The following PALD1 variants were observed in gnomAD, a reference collection of about 807,000 sequenced individuals.
PALD1 encodes phosphatase domain containing paladin 1, also known as paladin.
PALD1 carries 57 observed loss-of-function variants against 96.0 expected under a neutral mutation model. That is an observed-to-expected ratio of 0.59 (90% CI 0.48 to 0.74). The LOEUF (loss-of-function observed/expected upper bound fraction) is 0.74, where lower values mean the gene tolerates loss of function less well. Ranked by LOEUF, PALD1 falls within the 30% of genes least tolerant of loss-of-function variation. PALD1 has a pLI of 0.00. For synonymous variants in PALD1, 464 were observed against 473.6 expected (o/e 0.98, Z 0.26); for missense variants, 1,063 against 1,143.7 (o/e 0.93, Z 1.02).
At chr10:70,512,812 G>A (rs1022211452) in intron 1 of PALD1, among the ~76,000 whole-genome samples, 1 of 152,226 alleles carries the variant, frequency 6.6e-6, no homozygotes, top group Admixed American at 6.5e-5. Flanking sequence ...CAGCCTGGTG[G>A]ACTGCAGGGA....
In PALD1 at chr10:70,533,082, A is replaced by C; in HGVS notation, c.870+12A>C. On this transcript the variant is annotated intron_variant, in intron 7 of 19. Transcript: ENST00000263563. ...TCAGTGTTCTCCGGGTAACTGGGGC[A>C]CGGGCGCGCATGGGGGAGGAGTCTT... 1 of 1,567,126 alleles carries C rather than the reference A, an allele frequency of 6.4e-7. No individual in the cohort carries two copies. The highest frequency in any genetic ancestry group is 1.2e-5 in the South Asian group (1 of 85,386).
chr10:70,549,850 G>T (rs1847444979), intron 18 of PALD1, among the ~76,000 whole-genome samples: 1 of 152,178 alleles, frequency 6.6e-6, no homozygotes, highest in Non-Finnish European at 1.5e-5. Context: ...CTGCCTTCTG[G>T]ATGTGAAGTG....
chr10:70,520,685 C>CTTTTTTTTTTTTTTTTT (rs10545684), intron 1 of PALD1, among the ~76,000 whole-genome samples: 16 of 87,676 alleles, frequency 1.8e-4, no homozygotes, highest in South Asian at 5.3e-4. Flanking sequence ...TTCTTTCTTT[C>CTTTTTTTTTTTTTTTTT]TTTTTTTTTT....
At chr10:70,536,549 G>A (rs150620860) in intron 10 of PALD1, among the ~76,000 whole-genome samples, 6 of 152,286 alleles carry the variant, frequency 3.9e-5, no homozygotes, top group East Asian at 3.9e-4. Flanking sequence ...AGCAAACTAC[G>A]GCTTAGACCA....
chr10:70,485,121 A>G (rs1172614748), intron 1 of PALD1, among the ~76,000 whole-genome samples: 2 of 152,210 alleles, frequency 1.3e-5, no homozygotes, highest in African/African-American at 4.8e-5. Flanking sequence ...TTTTGAAACA[A>G]GATTACAGAG....
upstream of PALD1, among the ~76,000 whole-genome samples, chr10:70,478,591 C>T (rs935904627): frequency 6.6e-6 from 1 of 152,160 alleles, no homozygotes; most frequent in Admixed American, 6.5e-5. Flanking sequence ...GGTGGGCGGG[C>T]GGAGGGAGGA....
intron 18 of PALD1, among the ~76,000 whole-genome samples, chr10:70,552,214 G>T (rs768892646): frequency 6.6e-6 from 1 of 152,322 alleles, no homozygotes; most frequent in South Asian, 2.1e-4. Flanking sequence ...GCATTTTGTC[G>T]TGTTTGCTGA....
chr10:70,566,112 A>T (rs1048657300), intron 19 of PALD1, among the ~76,000 whole-genome samples: 2 of 151,712 alleles, frequency 1.3e-5, no homozygotes, highest in East Asian at 3.9e-4. Context: ...CTGGTTGTGG[A>T]TGGTTTGAGT....
intron 17 of PALD1, among the ~76,000 whole-genome samples, chr10:70,543,087 A>T: frequency 7.1e-6 from 1 of 140,310 alleles, no homozygotes; most frequent in African/African-American, 2.7e-5. Flanking sequence ...TTTGGATAAT[A>T]GCCATCCTGC....
chr10:70,515,389 G>A lies in PALD1; in HGVS notation c.-29-10534G>A, dbSNP rs1372688119. Among the ~76,000 whole-genome samples, 8 of 152,234 alleles carry A rather than the reference G, an allele frequency of 5.3e-5. No homozygotes were observed. In the East Asian group the frequency reaches 1.5e-3, roughly 29 times the overall value. On this transcript the variant is annotated intron_variant, in intron 1 of 19. Transcript: ENST00000263563. ...CCAGACAAAGCAGAATGAGGAGAGTGATGTGATGATCGTGGTTGTTAAGGA... is the reference window on the plus strand; with the variant it reads ...CCAGACAAAGCAGAATGAGGAGAGTAATGTGATGATCGTGGTTGTTAAGGA...
chr10:70,482,302 G>T (rs1179468649), intron 1 of PALD1, among the ~76,000 whole-genome samples: 1 of 152,190 alleles, frequency 6.6e-6, no homozygotes, highest in Non-Finnish European at 1.5e-5. Context: ...CCTGCTGACT[G>T]CTGGGCCTCT....
intron 1 of PALD1, among the ~76,000 whole-genome samples, chr10:70,520,301 C>A (rs536850214): frequency 6.6e-6 from 1 of 152,086 alleles, no homozygotes; most frequent in African/African-American, 2.4e-5. Context: ...CCTGGAAGGA[C>A]AAAGAAGGTG....
At chr10:70,505,837 A>G (rs1846377110) in intron 1 of PALD1, among the ~76,000 whole-genome samples, 1 of 151,318 alleles carries the variant, frequency 6.6e-6, no homozygotes, top group Non-Finnish European at 1.5e-5. Flanking sequence ...CCTGGACAAC[A>G]TGGCCAAACC....
intron 10 of PALD1, among the ~76,000 whole-genome samples, chr10:70,535,666 TC>T: frequency 7.0e-6 from 1 of 143,482 alleles, no homozygotes. Context: ...CTTCTCCTCC[TC>T]CTTCTCCTTT....
At chr10:70,564,062 C>T (rs1339393346) in intron 18 of PALD1, among the ~76,000 whole-genome samples, 1 of 152,162 alleles carries the variant, frequency 6.6e-6, no homozygotes, top group Non-Finnish European at 1.5e-5. Context: ...AGGGTATCTA[C>T]AATGAGCTCT....
intron 2 of PALD1, 21 bp from the exon 3 acceptor site, chr10:70,529,208 G>GGC: frequency 7.3e-6 from 2 of 273,316 alleles, no homozygotes; most frequent in South Asian, 2.5e-5. Context: ...TTTCCATTCT[G>GGC]CCCCCCCCCC....
intron 1 of PALD1, among the ~76,000 whole-genome samples, chr10:70,510,349 C>T (rs983822735): frequency 6.6e-6 from 1 of 152,118 alleles, no homozygotes; most frequent in Non-Finnish European, 1.5e-5. Context: ...GTCAGCAGGG[C>T]AGAGCACTGG....
chr10:70,535,645 C>T (rs1326622340), intron 10 of PALD1, among the ~76,000 whole-genome samples: 1 of 142,644 alleles, frequency 7.0e-6, no homozygotes, highest in Non-Finnish European at 1.5e-5. Context: ...TTCCTCCTCC[C>T]TCCTCCCTTC....
chr10:70,532,361 G>A (rs1305078941), intron 5 of PALD1, among the ~76,000 whole-genome samples: 1 of 152,096 alleles, frequency 6.6e-6, no homozygotes, highest in Admixed American at 6.5e-5. Context: ...CACCTCCCCC[G>A]TCCTGGCACT....
Sources: gnomAD v4.1 joint callset for allele counts (sites outside exome capture counted in the v4.1 genomes callset) on GRCh38, gnomAD v4.1.1 for gene constraint, MANE v1.5 for transcripts, NCBI Gene and HGNC (gene_info 2026-07-23, HGNC 2026-07-21) for gene names.